ALKBH7: variants seen among roughly 807,000 people sequenced by gnomAD.
ALKBH7 encodes alkB homolog 7, RNA demethylase, also known as RNA demethylase ALKBH7, mitochondrial.
ALKBH7 carries 21 observed loss-of-function variants against 19.3 expected under a neutral mutation model. The ratio of observed to expected loss-of-function variants is 1.09; its 90% CI spans 0.77 to 1.56. The LOEUF is 1.56. Among genes scored for constraint, ALKBH7 ranks in the 40% most tolerant of loss-of-function variants. ALKBH7 has a pLI of 0.00. For synonymous variants in ALKBH7, 147 were observed against 139.5 expected, an observed-to-expected ratio of 1.05 and a Z score of -0.38; for missense variants, 354 against 311.4, an observed-to-expected ratio of 1.14 and a Z score of -1.03.
chr19:6,373,174 G>A, intron 1 of ALKBH7, 150 bp downstream of exon 1: 3 of 1,130,724 alleles, frequency 2.7e-6, no homozygotes, highest in Non-Finnish European at 3.7e-6. Flanking sequence ...CGCCGGGACC[G>A]GGCAGGGCCA....
Position 6,374,452 on chromosome 19 carries a change from G to T in ALKBH7, c.379-13G>T, listed in dbSNP as rs140323385. 4 of 1,612,592 alleles carry T rather than the reference G, an allele frequency of 2.5e-6. No homozygotes were observed. The South Asian group carries it at 4.4e-5, about 18-fold the overall frequency. On this transcript the variant is annotated splice_polypyrimidine_tract_variant and intron_variant, in intron 2 of 3. Coordinates refer to ENST00000245812, the MANE Select transcript of ALKBH7 (RefSeq NM_032306.4). ...CGGTTAGATCCTGACCCATCCCCAC[G>T]CCTCTTTTGCAGTTCTGCGGGGCCA...
At chr19:6,374,652 G>T in intron 3 of ALKBH7, 63 bp downstream of exon 3, 1 of 1,609,892 alleles carries the variant, frequency 6.2e-7, no homozygotes, top group African/African-American at 1.3e-5. Flanking sequence ...CCTGTGCCCT[G>T]GGTACTTTCC....
chr19:6,373,549 C>G, intron 1 of ALKBH7: 1 of 821,532 alleles, frequency 1.2e-6, no homozygotes, highest in Non-Finnish European at 1.6e-6. Flanking sequence ...GGGATTGGGG[C>G]GTGGTCAGGT....
chr19:6,375,123 C>T lies in ALKBH7; in HGVS notation c.*150C>T. The T allele has an allele frequency of 4.6e-6, 6 of 1,312,042 alleles. No individual in the cohort carries two copies. The highest frequency in any genetic ancestry group is 6.0e-6 in the Non-Finnish European group (6 of 992,842). 81.3% of individuals were successfully genotyped at this position (1,312,042 alleles called of 1,614,324 possible). ...CATAGGGAGCTCCAGGTGTGGCTGG[C>T]TGGACACATGGTCAAAGTCACAAGG... On this transcript the variant is annotated 3_prime_UTR_variant, in exon 4 of 4. Transcript: ENST00000245812.
chr19:6,373,167 C>G (rs1195420129), intron 1 of ALKBH7, 143 bp downstream of exon 1: 3 of 973,500 alleles, frequency 3.1e-6, no homozygotes, highest in African/African-American at 4.0e-5. Flanking sequence ...AGACGAGCGC[C>G]GGGACCGGGC....
In ALKBH7 at chr19:6,374,891, G is replaced by T. The variant is rs773448907; in HGVS notation, c.584G>T (p.Gly195Val). 1 of 1,613,986 alleles carries T rather than the reference G, an allele frequency of 6.2e-7. No homozygotes were observed. The highest frequency in any genetic ancestry group is 8.5e-7 in the Non-Finnish European group (1 of 1,180,006). The change falls in exon 4 of 4, where the codon GGC becomes GTC. Residue 195 changes from glycine to valine, a missense_variant. Physicochemically the swap from Gly to Val is moderately radical, Grantham distance 109. Transcript: ENST00000245812. ...SFFGERRIPR[G>V]RRISVICRSL... ...TTTGGGGAACGCCGGATTCCCCGGG[G>T]CCGGCGCATCTCCGTGATCTGCCGC...
intron 3 of ALKBH7, 60 bp downstream of exon 3, chr19:6,374,649 C>T: frequency 6.2e-7 from 1 of 1,610,274 alleles, no homozygotes; most frequent in Non-Finnish European, 8.5e-7. Context: ...CACCCTGTGC[C>T]CTGGGTACTT....
At chr19:6,373,250 A>G (rs1473695288) in intron 1 of ALKBH7, among the ~76,000 whole-genome samples, 5 of 21,694 alleles carry the variant, frequency 2.3e-4, no homozygotes, top group Non-Finnish European at 4.4e-4. Context: ...TTGTGGGGCC[A>G]GGGGGGTCGG....
chr19:6,373,466 G>C (rs2091902728), intron 1 of ALKBH7: 1 of 471,568 alleles, frequency 2.1e-6, no homozygotes, highest in Non-Finnish European at 3.5e-6. Flanking sequence ...TGGGGGTGGG[G>C]CCAGGGAGTC....
At position 6,374,875 on chromosome 19, in the gene ALKBH7, CGCCGGATTCCCCGGG is replaced by C; in HGVS notation, c.574_588del (p.Ile192_Arg196del). 1 of 1,614,110 alleles carries C rather than the reference CGCCGGATTCCCCGGG, an allele frequency of 6.2e-7. No homozygotes were observed. The highest frequency in any genetic ancestry group is 8.5e-7 in the Non-Finnish European group (1 of 1,179,980). ...GGATGAAGAGTCCTTCTTTGGGGAA[CGCCGGATTCCCCGGG>C]GCCGGCGCATCTCCGTGATCTGCCG... On this transcript the variant is annotated inframe_deletion, in exon 4 of 4. Transcript: ENST00000245812.
rs147538989 is a variant in ALKBH7, at chr19:6,374,893, C to T, written c.586C>T (p.Arg196Trp). 1.7e-4 allele frequency: 277 copies of T among 1,614,062 alleles called. No homozygotes were observed. The highest frequency in any genetic ancestry group is 4.8e-5 in the Non-Finnish European group (57 of 1,179,992). ...FFGERRIPRG[R>W]RISVICRSLP... ...TGGGGAACGCCGGATTCCCCGGGGCCGGCGCATCTCCGTGATCTGCCGCTC... is the reference window on the plus strand; with the variant it reads ...TGGGGAACGCCGGATTCCCCGGGGCTGGCGCATCTCCGTGATCTGCCGCTC... Residue 196 changes from arginine (R) to tryptophan (W), a missense_variant, in exon 4 of 4, where the codon CGG becomes TGG. Transcript: ENST00000245812.
intron 2 of ALKBH7, 38 bp downstream of exon 2, chr19:6,374,414 G>A (rs375059228): frequency 4.6e-5 from 74 of 1,604,412 alleles, no homozygotes; most frequent in Non-Finnish European, 5.7e-5. Flanking sequence ...CCCAGCCAGG[G>A]GGTAGGCAGG....
Position 6,374,462 on chromosome 19 carries a change from C to T in ALKBH7, c.379-3C>T, listed in dbSNP as rs866439675. 1.2e-5 allele frequency: 20 copies of T among 1,613,124 alleles called. No homozygotes were observed. In the Middle Eastern group the frequency reaches 2.5e-3, roughly 200 times the overall value. On this transcript the variant is annotated splice_region_variant and splice_polypyrimidine_tract_variant and intron_variant, in intron 2 of 3. Coordinates refer to ENST00000245812, the MANE Select transcript of ALKBH7 (RefSeq NM_032306.4). ...CTGACCCATCCCCACGCCTCTTTTGCAGTTCTGCGGGGCCACCATCGCCGG... is the reference window on the plus strand; with the variant it reads ...CTGACCCATCCCCACGCCTCTTTTGTAGTTCTGCGGGGCCACCATCGCCGG...
At chr19:6,374,015 AG>A (rs1487511962) in intron 1 of ALKBH7, 187 bp from the exon 2 acceptor site, 2 of 985,226 alleles carry the variant, frequency 2.0e-6, no homozygotes, top group African/African-American at 3.5e-5. Flanking sequence ...TTGTAGCCTC[AG>A]GGTGAGTACT....
intron 1 of ALKBH7, 114 bp from the exon 2 acceptor site, chr19:6,374,089 G>A: frequency 6.4e-7 from 1 of 1,554,320 alleles, no homozygotes; most frequent in Non-Finnish European, 8.7e-7. Flanking sequence ...TGAGTTGAGG[G>A]CAGGGTCAAG....
chr19:6,374,087 G>C (rs2091907573), intron 1 of ALKBH7, 116 bp from the exon 2 acceptor site: 1 of 1,553,080 alleles, frequency 6.4e-7, no homozygotes, highest in Admixed American at 2.2e-5. Flanking sequence ...TTTGAGTTGA[G>C]GGCAGGGTCA....
chr19:6,374,517 G>A lies in ALKBH7; in HGVS notation c.431G>A (p.Arg144Gln), dbSNP rs368440411. 5 of 1,614,032 alleles carry A rather than the reference G, an allele frequency of 3.1e-6. No individual in the cohort carries two copies. Among genetic ancestry groups the A allele is most frequent in the East Asian group, 2.2e-5 (1 of 44,880 alleles). Reference protein sequence around the residue: ...GLSLLSPSVMRLVHTQEPGEW... With the variant: ...GLSLLSPSVMQLVHTQEPGEW... ...TCTCTCCTGTCTCCCAGCGTTATGC[G>A]GCTGGTGCACACCCAGGAGCCGGGG... Residue 144 changes from arginine (R) to glutamine (Q), a missense_variant, in exon 3 of 4, where the codon CGG becomes CAG. Transcript: ENST00000245812.
In ALKBH7 at chr19:6,372,988, GCGC is replaced by G. The variant is rs772598118; in HGVS notation, c.178_180del (p.Arg60del). ...TGAGCCGAGAACTGGAGCCCGAGCT[GCGC>G]CGCCGCCGCTACGAATACGATCACT... is the stretch of plus-strand genomic sequence containing the variant. On this transcript the variant is annotated inframe_deletion, in exon 1 of 4. Coordinates refer to ENST00000245812, the MANE Select transcript of ALKBH7 (RefSeq NM_032306.4). 51 of 1,573,670 alleles carry G rather than the reference GCGC, an allele frequency of 3.2e-5. No homozygotes were observed. The highest frequency in any genetic ancestry group is 4.3e-5 in the Non-Finnish European group (50 of 1,162,628).
At chr19:6,374,738 G>C (rs1328303790) in intron 3 of ALKBH7, 73 bp from the exon 4 acceptor site, 1 of 1,592,280 alleles carries the variant, frequency 6.3e-7, no homozygotes. Flanking sequence ...GAATCCAGGA[G>C]GCTGGAATCC....
Sources: allele counts gnomAD v4.1 joint callset (sites outside exome capture counted in the v4.1 genomes callset), GRCh38; gene constraint gnomAD v4.1.1; transcripts MANE v1.5; gene names NCBI Gene and HGNC (gene_info 2026-07-23, HGNC 2026-07-21).